Variants in LRP1B observed in about 807,000 individuals in gnomAD.
The protein encoded by LRP1B is low-density lipoprotein receptor-related protein 1B.
A neutral mutation model predicts 556.6 loss-of-function variants in LRP1B; 217 were observed. The observed-to-expected ratio is 0.39, with a 90% CI of 0.35 to 0.44. The LOEUF is 0.44. Ranked by LOEUF, LRP1B falls within the 20% of genes least tolerant of loss-of-function variation. The probability of loss-of-function intolerance (pLI) is 1.00; values close to 1 mark genes in which losing one functional copy is unlikely to be tolerated. For synonymous variants in LRP1B, 2,047 were observed against 1,865.8 expected (o/e 1.10, Z -2.50); for missense variants, 5,053 against 5,620.8 (o/e 0.90, Z 3.23).
intron 35 of LRP1B, among the ~76,000 whole-genome samples, chr2:140,748,092 A>AAC (rs1688379291): frequency 1.4e-4 from 1 of 6,950 alleles, no homozygotes; most frequent in African/African-American, 5.3e-4. Context: ...AAGTCCTATG[A>AAC]ATATATATAT....
intron 7 of LRP1B, among the ~76,000 whole-genome samples, chr2:141,154,663 G>A (rs1383932824): frequency 6.6e-6 from 1 of 151,460 alleles, no homozygotes; most frequent in African/African-American, 2.4e-5. Flanking sequence ...GCATTTGGAT[G>A]CTCAACAATA....
intron 25 of LRP1B, among the ~76,000 whole-genome samples, chr2:140,870,632 A>G (rs1041934563): frequency 6.6e-6 from 1 of 152,108 alleles, no homozygotes; most frequent in Non-Finnish European, 1.5e-5. Context: ...GTTGCAGTAC[A>G]TTTTTCTATC....
At chr2:141,793,932 G>A (rs1162174405) in intron 2 of LRP1B, among the ~76,000 whole-genome samples, 1 of 151,772 alleles carries the variant, frequency 6.6e-6, no homozygotes. Flanking sequence ...TGTTAACTAA[G>A]TAGTTTTGGT....
At chr2:140,450,914 T>G (rs1180539751) in intron 62 of LRP1B, among the ~76,000 whole-genome samples, 3 of 152,204 alleles carry the variant, frequency 2.0e-5, no homozygotes, top group African/African-American at 7.2e-5. Flanking sequence ...ACATGTTTTC[T>G]GCAGAGCTAC....
chr2:140,405,916 G>T (rs2105237302), intron 66 of LRP1B, among the ~76,000 whole-genome samples: 1 of 152,146 alleles, frequency 6.6e-6, no homozygotes, highest in African/African-American at 2.4e-5. Context: ...CAAAATTTCT[G>T]GTGAACATAG....
At chr2:141,872,440 A>C (rs545649993) in intron 1 of LRP1B, among the ~76,000 whole-genome samples, 3 of 152,112 alleles carry the variant, frequency 2.0e-5, no homozygotes, top group South Asian at 4.1e-4. Context: ...CACAATAGAC[A>C]CAACAAAGAG....
intron 3 of LRP1B, among the ~76,000 whole-genome samples, chr2:141,381,555 A>G (rs144127670): frequency 6.6e-6 from 1 of 152,214 alleles, no homozygotes; most frequent in African/African-American, 2.4e-5. Flanking sequence ...CCTAAAGGAT[A>G]CCAAATAATA....
intron 35 of LRP1B, among the ~76,000 whole-genome samples, chr2:140,724,398 A>T (rs1046255170): frequency 3.9e-5 from 6 of 152,216 alleles, no homozygotes; most frequent in Admixed American, 3.9e-4. Context: ...GATAGTTCCA[A>T]TTTATGAACA....
At chr2:141,531,392 A>G (rs1684866670) in intron 2 of LRP1B, among the ~76,000 whole-genome samples, 1 of 152,146 alleles carries the variant, frequency 6.6e-6, no homozygotes, top group South Asian at 2.1e-4. Flanking sequence ...ACGTATTAAC[A>G]TAACTTGGTC....
chr2:140,496,995 T>C (rs1688973930), intron 55 of LRP1B, among the ~76,000 whole-genome samples: 1 of 151,588 alleles, frequency 6.6e-6, no homozygotes, highest in Non-Finnish European at 1.5e-5. Flanking sequence ...GAATGATATA[T>C]GTCCATATTA....
At chr2:141,257,681 G>A (rs1047077200) in intron 3 of LRP1B, among the ~76,000 whole-genome samples, 1 of 152,162 alleles carries the variant, frequency 6.6e-6, no homozygotes, top group African/African-American at 2.4e-5. Context: ...TCCTGCGTGA[G>A]GATTTGTATA....
At chr2:141,371,033 G>A (rs912048048) in intron 3 of LRP1B, among the ~76,000 whole-genome samples, 3 of 152,076 alleles carry the variant, frequency 2.0e-5, no homozygotes, top group African/African-American at 4.8e-5. Flanking sequence ...GCCCAGGCTG[G>A]AGTGCAGTGG....
chr2:141,524,765 A>AAG (rs535781940), intron 2 of LRP1B, among the ~76,000 whole-genome samples: 2,131 of 151,884 alleles, frequency 0.014, 29 homozygotes, highest in Non-Finnish European at 0.02. Context: ...ATGAAAAAGA[A>AAG]AGAGAGAGAG....
At chr2:141,565,282 C>T (rs1292430904) in intron 2 of LRP1B, among the ~76,000 whole-genome samples, 1 of 152,000 alleles carries the variant, frequency 6.6e-6, no homozygotes, top group Non-Finnish European at 1.5e-5. Flanking sequence ...ACAGTGTGTT[C>T]CACAGGGCTT....
chr2:140,461,742 G>A (rs1419730004), intron 60 of LRP1B, among the ~76,000 whole-genome samples: 1 of 151,950 alleles, frequency 6.6e-6, no homozygotes, highest in African/African-American at 2.4e-5. Context: ...ACTGAGGCAG[G>A]AGAATCCCTT....
intron 20 of LRP1B, among the ~76,000 whole-genome samples, chr2:140,932,849 C>A: frequency 7.1e-6 from 1 of 140,466 alleles, no homozygotes; most frequent in African/African-American, 2.5e-5. Flanking sequence ...ACACTCAATC[C>A]TGGGTGAAAG....
intron 63 of LRP1B, among the ~76,000 whole-genome samples, chr2:140,445,260 C>G (rs1048957830): frequency 6.6e-6 from 1 of 151,930 alleles, no homozygotes; most frequent in East Asian, 1.9e-4. Flanking sequence ...GGATTACAGG[C>G]GCCCACCATC....
chr2:141,872,346 G>T (rs1208293047), intron 1 of LRP1B, among the ~76,000 whole-genome samples: 1 of 151,784 alleles, frequency 6.6e-6, no homozygotes, highest in African/African-American at 2.4e-5. Flanking sequence ...ACTAACAAAA[G>T]AAATCTCAAG....
chr2:140,778,478 T>C (rs1689575725), intron 32 of LRP1B, among the ~76,000 whole-genome samples: 1 of 152,102 alleles, frequency 6.6e-6, no homozygotes, highest in Non-Finnish European at 1.5e-5. Context: ...TTTCTGGAAA[T>C]ATTCATGAAT....
Sources: allele counts gnomAD v4.1 joint callset (sites outside exome capture counted in the v4.1 genomes callset), GRCh38; gene constraint gnomAD v4.1.1; transcripts MANE v1.5; gene names NCBI Gene and HGNC (gene_info 2026-07-23, HGNC 2026-07-21).